The following PDE1C variants were observed in gnomAD, a reference collection of about 807,000 sequenced individuals.
The protein encoded by PDE1C is dual specificity calcium/calmodulin-dependent 3',5'-cyclic nucleotide phosphodiesterase 1C.
In PDE1C, 62 loss-of-function variants were observed where a neutral mutation model predicts 93.1. That is an observed-to-expected ratio of 0.67 (90% confidence interval 0.54 to 0.82). The LOEUF is 0.82. Ranked by LOEUF, PDE1C falls within the 40% of genes least tolerant of loss-of-function variation. PDE1C has a pLI of 0.00. For missense variants in PDE1C, 742 were observed against 884.6 expected, an observed-to-expected ratio of 0.84 and a Z score of 2.04; for synonymous variants, 325 against 310.1, an observed-to-expected ratio of 1.05 and a Z score of -0.50.
At chr7:31,750,421 A>T (rs1346600199), downstream of PDE1C, among the ~76,000 whole-genome samples, 1 of 152,148 alleles carries the variant, frequency 6.6e-6, no homozygotes, top group Non-Finnish European at 1.5e-5. Context: ...GAAGTTGGAG[A>T]TTATCTACCT....
chr7:32,064,734 A>G (rs1373793804), intron 1 of PDE1C, among the ~76,000 whole-genome samples: 2 of 152,202 alleles, frequency 1.3e-5, no homozygotes, highest in Admixed American at 6.5e-5. Context: ...CCTAGAACAC[A>G]GCACTTTTTT....
At chr7:31,669,163 G>A in the PDE1C span, among the ~76,000 whole-genome samples, 3 of 152,188 alleles carry the variant, frequency 2.0e-5, no homozygotes, top group East Asian at 1.9e-4. Context: ...GACTCTGGGG[G>A]CATGAAAGGA....
chr7:32,097,903 G>C (rs1158089532), intron 3 of PDE1C, among the ~76,000 whole-genome samples: 4 of 152,114 alleles, frequency 2.6e-5, no homozygotes, highest in Non-Finnish European at 5.9e-5. Flanking sequence ...ATAATGCTGA[G>C]TGCCCATGTG....
At chr7:32,386,749 TAC>T (rs1260563994) in intron 1 of PDE1C, among the ~76,000 whole-genome samples, 1 of 151,148 alleles carries the variant, frequency 6.6e-6, no homozygotes, top group African/African-American at 2.4e-5. Flanking sequence ...GCACTGCTGT[TAC>T]AGTCATGAAC....
intron 3 of PDE1C, among the ~76,000 whole-genome samples, chr7:32,097,552 T>C (rs1329552198): frequency 6.6e-6 from 1 of 152,218 alleles, no homozygotes; most frequent in Non-Finnish European, 1.5e-5. Context: ...TCCAACTTCA[T>C]TGCCGATACT....
chr7:31,940,588 C>T (rs1308536087), intron 2 of PDE1C, among the ~76,000 whole-genome samples: 1 of 152,102 alleles, frequency 6.6e-6, no homozygotes, highest in Admixed American at 6.5e-5. Flanking sequence ...GTCTGGGGAC[C>T]TCCCAGAACC....
chr7:31,624,322 T>A, the PDE1C span, among the ~76,000 whole-genome samples: 1 of 146,754 alleles, frequency 6.8e-6, no homozygotes, highest in African/African-American at 2.5e-5. Flanking sequence ...AAGGCAATCC[T>A]AAGCCAAAAG....
intron 16 of PDE1C, among the ~76,000 whole-genome samples, chr7:31,807,783 T>C (rs1434191641): frequency 6.6e-6 from 1 of 151,940 alleles, no homozygotes. Context: ...CTCTGGTATT[T>C]AAACAAACCT....
chr7:31,701,743 G>A, the PDE1C span, among the ~76,000 whole-genome samples: 4 of 152,224 alleles, frequency 2.6e-5, no homozygotes, highest in Admixed American at 1.3e-4. Context: ...GTCAGCAGCC[G>A]TCAACATTGA....
Position 32,233,442 on chromosome 7 carries a change from A to T in PDE1C, c.86-23903T>A, listed in dbSNP as rs180678355. 3.4e-3 allele frequency among the ~76,000 whole-genome samples: 516 copies of T among 152,270 alleles called. 2 individuals are homozygous for T. Among genetic ancestry groups the T allele is most frequent in the African/African-American group, 0.011 (472 of 41,570 alleles). ...AATTTATGAGGGCTACAAGAAATTCATCTCAAATATTATGCTATAGAAAAT... is the reference window on the plus strand; with the variant it reads ...AATTTATGAGGGCTACAAGAAATTCTTCTCAAATATTATGCTATAGAAAAT... On this transcript the variant is annotated intron_variant, in intron 1 of 18. Coordinates refer to the PDE1C transcript ENST00000396193.
rs116746452 is a variant in PDE1C, at chr7:32,016,536, T to C, written c.128+35018A>G. ...ATCTTAAAGAAAACAATGGAAAGAA[T>C]ATAAATAGAAGTATGTGCAAAGATA... On this transcript the variant is annotated intron_variant, in intron 2 of 17. Coordinates refer to ENST00000396191, the MANE Select transcript of PDE1C (RefSeq NM_001191057.4). Among the ~76,000 whole-genome samples the C allele has an allele frequency of 6.7e-3, 1,019 of 152,296 alleles. 10 individuals are homozygous for C. The highest frequency in any genetic ancestry group is 0.023 in the African/African-American group (955 of 41,560).
chr7:32,250,449 C>A (rs1366892678), intron 1 of PDE1C, among the ~76,000 whole-genome samples: 2 of 152,142 alleles, frequency 1.3e-5, no homozygotes, highest in Admixed American at 1.3e-4. Context: ...CCATCTCAGA[C>A]CAATTGAATC....
chr7:32,397,061 C>G (rs545390931), intron 1 of PDE1C, among the ~76,000 whole-genome samples: 26 of 152,094 alleles, frequency 1.7e-4, no homozygotes, highest in Non-Finnish European at 3.4e-4. Flanking sequence ...CTACAAACTC[C>G]AGGTAGGGAA....
chr7:32,008,759 T>C (rs527476396), intron 2 of PDE1C, among the ~76,000 whole-genome samples: 1 of 152,316 alleles, frequency 6.6e-6, no homozygotes, highest in Non-Finnish European at 1.5e-5. Context: ...GACATGACTA[T>C]ATAACAACAT....
At chr7:31,888,602 T>C (rs1798256287) in intron 2 of PDE1C, among the ~76,000 whole-genome samples, 1 of 152,068 alleles carries the variant, frequency 6.6e-6, no homozygotes. Context: ...TGAAGATACA[T>C]TTAAAAATTT....
At chr7:31,708,744 G>T in the PDE1C span, among the ~76,000 whole-genome samples, 5 of 152,326 alleles carry the variant, frequency 3.3e-5, no homozygotes, top group South Asian at 6.2e-4. Context: ...AGTACTGGAT[G>T]CCCATTTTGG....
chr7:32,399,915 G>A (rs1303340080), intron 1 of PDE1C, among the ~76,000 whole-genome samples: 2 of 152,026 alleles, frequency 1.3e-5, no homozygotes, highest in Admixed American at 6.6e-5. Flanking sequence ...ACCTCCTAAA[G>A]ACCCTATCTC....
At chr7:32,295,869 G>C (rs890420640) in intron 1 of PDE1C, among the ~76,000 whole-genome samples, 22 of 136,512 alleles carry the variant, frequency 1.6e-4, no homozygotes, top group East Asian at 1.1e-3. Context: ...ACTCCAGCCC[G>C]GGTGAGAGAG....
chr7:31,817,073 G>A (rs965063202), intron 14 of PDE1C, among the ~76,000 whole-genome samples: 1 of 152,144 alleles, frequency 6.6e-6, no homozygotes, highest in Non-Finnish European at 1.5e-5. Context: ...TTTATAAAGA[G>A]GAGATCATAA....
Sources: gnomAD v4.1 joint callset for allele counts (sites outside exome capture counted in the v4.1 genomes callset) on GRCh38, gnomAD v4.1.1 for gene constraint, MANE v1.5 for transcripts, NCBI Gene and HGNC (gene_info 2026-07-23, HGNC 2026-07-21) for gene names.